Variants in PLEKHH2 observed in about 807,000 individuals in gnomAD.
PLEKHH2 encodes pleckstrin homology domain-containing family H member 2.
A neutral mutation model predicts 187.9 loss-of-function variants in PLEKHH2; 129 were observed. The ratio of observed to expected loss-of-function variants is 0.69; its 90% CI spans 0.59 to 0.79. The LOEUF (loss-of-function observed/expected upper bound fraction) is 0.79, where lower values mean the gene tolerates loss of function less well. Ranked by LOEUF, PLEKHH2 falls within the 30% of genes least tolerant of loss-of-function variation. The pLI is 0.00. For synonymous variants in PLEKHH2, 686 were observed against 605.6 expected (o/e 1.13, Z -1.95); for missense variants, 2,076 against 1,751.2 (o/e 1.19, Z -3.31).
chr2:43,707,526 C>T lies in PLEKHH2; in HGVS notation c.1947C>T (p.Ser649=). The change falls in exon 11 of 30, where the codon AGC becomes AGT. Residue 649 remains serine, a synonymous_variant. Coordinates refer to ENST00000282406, the MANE Select transcript of PLEKHH2 (RefSeq NM_172069.4). ...CACGCAGTAGGAGTGGGCCAGGCAG[C>T]CCCAGAGCCATGAAACGAGGTGAGG... ...SDSRSRSGPG[S]PRAMKRGVSL... is the part of the protein sequence containing the mutation. 6.2e-7 allele frequency: 1 copy of T among 1,613,834 alleles called. No homozygotes were observed. The highest frequency in any genetic ancestry group is 8.5e-7 in the Non-Finnish European group (1 of 1,179,824).
intron 2 of PLEKHH2, among the ~76,000 whole-genome samples, chr2:43,665,973 A>C: frequency 4.4e-5 from 6 of 137,458 alleles, no homozygotes; most frequent in South Asian, 2.5e-4. Context: ...AGACGCAGGC[A>C]GGCCTCCTTG....
intron 3 of PLEKHH2, among the ~76,000 whole-genome samples, chr2:43,686,982 T>G (rs13002688): frequency 3.1e-5 from 4 of 128,186 alleles, no homozygotes; most frequent in Non-Finnish European, 1.8e-5. Flanking sequence ...CTATATATAT[T>G]TATATTTTAA....
chr2:43,679,899 T>C (rs1390372072), intron 3 of PLEKHH2, among the ~76,000 whole-genome samples: 1 of 152,214 alleles, frequency 6.6e-6, no homozygotes, highest in Non-Finnish European at 1.5e-5. Flanking sequence ...CTTGAACTAC[T>C]GGCTTCAAGT....
chr2:43,679,662 A>G (rs1668065532), intron 3 of PLEKHH2: 1 of 223,168 alleles, frequency 4.5e-6, no homozygotes, highest in Admixed American at 5.6e-5. Context: ...TACCCGGCTA[A>G]TTTTTATATT....
chr2:43,757,059 CTG>C (rs1672238930), intron 25 of PLEKHH2, 58 bp from the exon 26 acceptor site: 9 of 1,305,106 alleles, frequency 6.9e-6, no homozygotes, highest in Non-Finnish European at 9.2e-6. Flanking sequence ...ATAAAACTAA[CTG>C]ATTTTCTGTC....
chr2:43,662,438 C>A (rs1410387296), intron 2 of PLEKHH2, among the ~76,000 whole-genome samples: 1 of 5,770 alleles, frequency 1.7e-4, no homozygotes, highest in East Asian at 2.0e-3. Flanking sequence ...TTGACTTCCT[C>A]TTTTCCTAAT....
chr2:43,723,910 G>C lies in PLEKHH2; in HGVS notation c.2542-2362G>C, dbSNP rs546683073. ...GGTTAGGAGCCATTGCAGTAATCCA[G>C]GTGAGAGGGGATTGTGGTTTAGTGG... On this transcript the variant is annotated intron_variant, in intron 16 of 29. Coordinates refer to ENST00000282406, the MANE Select transcript of PLEKHH2 (RefSeq NM_172069.4). Among the ~76,000 whole-genome samples the C allele has an allele frequency of 2.6e-5, 4 of 152,314 alleles. No individual in the cohort carries two copies. The East Asian group carries it at 7.7e-4, about 29-fold the overall frequency.
intron 2 of PLEKHH2, among the ~76,000 whole-genome samples, chr2:43,669,913 C>T (rs1455928302): frequency 2.6e-5 from 4 of 151,818 alleles, no homozygotes; most frequent in Non-Finnish European, 5.9e-5. Flanking sequence ...AAGGAAGATA[C>T]AATATACAGA....
chr2:43,709,639 C>T (rs1256682014), intron 11 of PLEKHH2, among the ~76,000 whole-genome samples: 1 of 152,140 alleles, frequency 6.6e-6, no homozygotes, highest in Non-Finnish European at 1.5e-5. Context: ...AGATCGAGAC[C>T]ATCCTGGCCA....
intron 2 of PLEKHH2, among the ~76,000 whole-genome samples, chr2:43,654,643 C>T (rs1259181226): frequency 2.0e-5 from 3 of 148,590 alleles, no homozygotes; most frequent in East Asian, 2.0e-4. Flanking sequence ...TTTGGAAGGC[C>T]GAGATGGGAG....
intron 24 of PLEKHH2, among the ~76,000 whole-genome samples, chr2:43,750,872 C>T (rs1671981317): frequency 6.6e-6 from 1 of 152,018 alleles, no homozygotes; most frequent in Non-Finnish European, 1.5e-5. Flanking sequence ...TTTCCTTGCC[C>T]TTTAGAATCT....
intron 20 of PLEKHH2, among the ~76,000 whole-genome samples, chr2:43,740,082 G>A (rs948844413): frequency 6.6e-6 from 1 of 152,180 alleles, no homozygotes; most frequent in East Asian, 1.9e-4. Flanking sequence ...TTTAAAAATG[G>A]CTGAAAATTA....
chr2:43,675,957 G>A (rs751156756), intron 2 of PLEKHH2: 12 of 1,613,906 alleles, frequency 7.4e-6, no homozygotes, highest in South Asian at 2.2e-5. Context: ...ATTTGTAAGC[G>A]GTCCTCATCT....
intron 19 of PLEKHH2, among the ~76,000 whole-genome samples, chr2:43,733,756 A>G (rs571252581): frequency 3.3e-5 from 5 of 152,290 alleles, no homozygotes; most frequent in African/African-American, 9.6e-5. Context: ...AAAAATGCTG[A>G]TAATTATTGA....
chr2:43,742,943 T>C (rs751035325), intron 22 of PLEKHH2, 25 bp downstream of exon 22: 83 of 1,459,824 alleles, frequency 5.7e-5, no homozygotes, highest in Non-Finnish European at 5.5e-6. Flanking sequence ...GAAAATATGC[T>C]TAGCCAACAA....
chr2:43,691,613 A>T (rs1668800094), intron 3 of PLEKHH2, among the ~76,000 whole-genome samples: 1 of 152,338 alleles, frequency 6.6e-6, no homozygotes, highest in East Asian at 1.9e-4. Context: ...GACCTGCCCC[A>T]TCTGCCTAGG....
intron 28 of PLEKHH2, among the ~76,000 whole-genome samples, chr2:43,763,580 C>T (rs112232035): frequency 6.7e-6 from 1 of 149,170 alleles, no homozygotes; most frequent in Admixed American, 6.7e-5. Context: ...CTACCATGCC[C>T]GGCTAATTTT....
At chr2:43,656,156 C>T (rs922096721) in intron 2 of PLEKHH2, among the ~76,000 whole-genome samples, 1 of 152,028 alleles carries the variant, frequency 6.6e-6, no homozygotes, top group African/African-American at 2.4e-5. Flanking sequence ...GGGATTTTGC[C>T]ATGTTGGCCA....
intron 2 of PLEKHH2, among the ~76,000 whole-genome samples, chr2:43,649,511 T>G (rs1227189698): frequency 2.0e-5 from 3 of 152,226 alleles, no homozygotes; most frequent in Non-Finnish European, 4.4e-5. Flanking sequence ...CAGACTTGGA[T>G]TGCCTCATAG....
Sources: allele counts gnomAD v4.1 joint callset (sites outside exome capture counted in the v4.1 genomes callset), GRCh38; gene constraint gnomAD v4.1.1; transcripts MANE v1.5; gene names NCBI Gene and HGNC (gene_info 2026-07-23, HGNC 2026-07-21).